SPEF2: variants seen among roughly 807,000 people sequenced by gnomAD.
The protein encoded by SPEF2 is sperm flagella and cilia-associated protein 2.
A neutral mutation model predicts 224.6 loss-of-function variants in SPEF2; 187 were observed. The observed-to-expected ratio is 0.83, with a 90% CI of 0.74 to 0.94. SPEF2 has a LOEUF of 0.94. Ranked by LOEUF, SPEF2 falls within the 40% of genes least tolerant of loss-of-function variation. The probability of loss-of-function intolerance (pLI) is 0.00; values close to 1 mark genes in which losing one functional copy is unlikely to be tolerated. For synonymous variants in SPEF2, 715 were observed against 707.3 expected (o/e 1.01, Z -0.17); for missense variants, 2,170 against 2,135.6 (o/e 1.02, Z -0.32).
chr5:35,780,091 A>G (rs958265522), intron 30 of SPEF2, among the ~76,000 whole-genome samples: 1 of 152,206 alleles, frequency 6.6e-6, no homozygotes, highest in Non-Finnish European at 1.5e-5. Flanking sequence ...CTATGGTCAT[A>G]TATCATTCAG....
chr5:35,663,313 T>C (rs1459045722), intron 8 of SPEF2, among the ~76,000 whole-genome samples: 1 of 152,172 alleles, frequency 6.6e-6, no homozygotes. Context: ...TCCTCCAAGA[T>C]GAAGGGCCAT....
At chr5:35,808,582 T>C (rs1758337083) in intron 36 of SPEF2, among the ~76,000 whole-genome samples, 1 of 152,026 alleles carries the variant, frequency 6.6e-6, no homozygotes, top group Non-Finnish European at 1.5e-5. Flanking sequence ...CATGAAGTCA[T>C]CCTTTTATAT....
rs548104615 is a variant in SPEF2, at chr5:35,655,962, C to T, written c.978+1236C>T. ...TGCTGTAATTCAGGTAAGAGATTAT[C>T]CCAGTTTAAATGTAGTGTAGTGGCA... On this transcript the variant is annotated intron_variant, in intron 7 of 36. Coordinates refer to ENST00000356031, the MANE Select transcript of SPEF2 (RefSeq NM_024867.4). Among the ~76,000 whole-genome samples the T allele has an allele frequency of 2.5e-4, 38 of 152,206 alleles. 1 individual carries two copies. In the South Asian group the frequency reaches 7.7e-3, roughly 31 times the overall value.
rs376311224 is a variant in SPEF2, at chr5:35,740,350, C to T, written c.3330+83C>T. The T allele has an allele frequency of 1.6e-5, 24 of 1,547,724 alleles. No individual in the cohort carries two copies. In the East Asian group the frequency reaches 2.9e-4, roughly 19 times the overall value. ...AAAACCCCAACTCATTTGCTCCTTA[C>T]TTTTGTGAAGTATGAGGATGAGAAA... On this transcript the variant is annotated intron_variant, in intron 23 of 36. Coordinates refer to ENST00000356031, the MANE Select transcript of SPEF2 (RefSeq NM_024867.4).
Position 35,739,958 on chromosome 5 carries a change from G to A in SPEF2, c.3103G>A (p.Glu1035Lys). ...TTTAGTACCTTACTGGGAACTAATA[G>A]AAAATTCCTATATAAACACCATCAA... Reference protein sequence around the residue: ...LFLVPYWELIENSYINTIKTV... With the variant: ...LFLVPYWELIKNSYINTIKTV... The change falls in exon 22 of 37, where the codon GAA becomes AAA. Residue 1035 changes from glutamate (E) to lysine (K), a missense_variant. Coordinates refer to ENST00000356031, the MANE Select transcript of SPEF2 (RefSeq NM_024867.4). The A allele has an allele frequency of 6.2e-7, 1 of 1,614,022 alleles. No individual in the cohort carries two copies. Among genetic ancestry groups the A allele is most frequent in the Non-Finnish European group, 8.5e-7 (1 of 1,179,974 alleles).
chr5:35,727,427 A>G (rs1483970806), intron 20 of SPEF2, among the ~76,000 whole-genome samples: 1 of 152,234 alleles, frequency 6.6e-6, no homozygotes, highest in East Asian at 1.9e-4. Flanking sequence ...AGGACAGATG[A>G]AAATAAAATA....
chr5:35,764,923 CA>C (rs778698316), intron 26 of SPEF2, among the ~76,000 whole-genome samples: 1 of 152,084 alleles, frequency 6.6e-6, no homozygotes, highest in African/African-American at 2.4e-5. Context: ...TTTTCACATA[CA>C]TAAGGAAAAT....
intron 25 of SPEF2, 134 bp downstream of exon 25, chr5:35,759,853 C>T: frequency 1.2e-6 from 1 of 842,778 alleles, no homozygotes; most frequent in Non-Finnish European, 1.7e-6. Flanking sequence ...AATAACCAAA[C>T]ATGTTTTTTT....
chr5:35,634,620 C>G (rs1473104646), intron 2 of SPEF2, among the ~76,000 whole-genome samples: 1 of 152,082 alleles, frequency 6.6e-6, no homozygotes, highest in Admixed American at 6.6e-5. Context: ...CCATATCATT[C>G]TCCAATTATG....
intron 29 of SPEF2, among the ~76,000 whole-genome samples, chr5:35,778,860 T>C (rs2149798393): frequency 6.6e-6 from 1 of 152,336 alleles, no homozygotes; most frequent in East Asian, 1.9e-4. Context: ...ATAGGTTCTC[T>C]TTAAGTTCAG....
intron 1 of SPEF2, among the ~76,000 whole-genome samples, chr5:35,620,029 G>T (rs1350846813): frequency 2.0e-5 from 3 of 152,072 alleles, no homozygotes; most frequent in Admixed American, 6.6e-5. Context: ...CTAGCAAAAC[G>T]TATTAATTTT....
At chr5:35,646,885 C>A (rs1747450267) in intron 5 of SPEF2, 78 bp downstream of exon 5, 32 of 1,465,256 alleles carry the variant, frequency 2.2e-5, no homozygotes, top group Non-Finnish European at 2.8e-5. Flanking sequence ...TATAGAGAGA[C>A]TTTCCAAAAC....
chr5:35,758,800 G>A (rs968597751), intron 24 of SPEF2, among the ~76,000 whole-genome samples: 3 of 152,094 alleles, frequency 2.0e-5, no homozygotes, highest in Admixed American at 2.0e-4. Context: ...GAGGTCAGGA[G>A]TTCGAAACCA....
At chr5:35,811,990 G>A (rs1229185343) in intron 36 of SPEF2, among the ~76,000 whole-genome samples, 1 of 151,890 alleles carries the variant, frequency 6.6e-6, no homozygotes, top group Non-Finnish European at 1.5e-5. Context: ...GGTTTTCAAT[G>A]TGTTAGCCAG....
intron 23 of SPEF2, among the ~76,000 whole-genome samples, chr5:35,744,625 G>A (rs1250975418): frequency 6.6e-6 from 1 of 152,130 alleles, no homozygotes; most frequent in African/African-American, 2.4e-5. Flanking sequence ...TTCCTCTGCT[G>A]TGTCCTCTCC....
chr5:35,762,924 G>A (rs1751522622), intron 25 of SPEF2, among the ~76,000 whole-genome samples: 2 of 152,114 alleles, frequency 1.3e-5, no homozygotes, highest in South Asian at 2.1e-4. Flanking sequence ...AACCTTTGTG[G>A]GGGTGGTGCT....
Position 35,649,343 on chromosome 5 carries a change from G to T in SPEF2, c.727-18G>T, listed in dbSNP as rs1747861536. The T allele has an allele frequency of 1.9e-6, 3 of 1,600,700 alleles. No homozygotes were observed. The highest frequency in any genetic ancestry group is 4.5e-5 in the East Asian group (2 of 44,556). On this transcript the variant is annotated intron_variant, in intron 5 of 36. Coordinates refer to ENST00000356031, the MANE Select transcript of SPEF2 (RefSeq NM_024867.4). ...TGGTTTTTAGAGGCAGAGAACTGAT[G>T]ATGAATTTTCTTTAAAGGATGTGGC...
Position 35,651,814 on chromosome 5 carries a change from G to A in SPEF2, c.791+2389G>A, listed in dbSNP as rs113685269. On this transcript the variant is annotated intron_variant, in intron 6 of 36. Transcript: ENST00000356031. ...TCTGGATGCCACCTCAAAGTCCATC[G>A]TTTTTCTTTTGTGGAAGAATGAAAT... Among the ~76,000 whole-genome samples the A allele has an allele frequency of 4.4e-3, 666 of 152,130 alleles. 6 individuals carry two copies. Among genetic ancestry groups the A allele is most frequent in the African/African-American group, 0.015 (629 of 41,492 alleles).
chr5:35,775,871 G>A (rs1478144507), intron 28 of SPEF2, among the ~76,000 whole-genome samples: 3 of 152,130 alleles, frequency 2.0e-5, no homozygotes, highest in Admixed American at 1.3e-4. Context: ...AGTTTGCCCT[G>A]ATTTTAGTGG....
Sources: allele counts gnomAD v4.1 joint callset (sites outside exome capture counted in the v4.1 genomes callset), GRCh38; gene constraint gnomAD v4.1.1; transcripts MANE v1.5; gene names NCBI Gene and HGNC (gene_info 2026-07-23, HGNC 2026-07-21).